VPS11: variants seen among roughly 807,000 people sequenced by gnomAD.
VPS11 encodes vacuolar protein sorting-associated protein 11 homolog.
A neutral mutation model predicts 106.8 loss-of-function variants in VPS11; 51 were observed. The observed-to-expected ratio is 0.48, with a 90% CI of 0.38 to 0.60. The LOEUF (loss-of-function observed/expected upper bound fraction) is 0.60, where lower values mean the gene tolerates loss of function less well. Among genes scored for constraint, VPS11 ranks in the 20% least tolerant of loss-of-function variants. VPS11 has a pLI of 0.00. For missense variants in VPS11, 950 were observed against 1,190.0 expected (o/e 0.80, Z 2.97); for synonymous variants, 453 against 458.7 (o/e 0.99, Z 0.16).
chr11:119,069,151 G>C (rs1945268590), intron 1 of VPS11, 45 bp from the exon 2 acceptor site: 1 of 1,609,710 alleles, frequency 6.2e-7, no homozygotes, highest in Non-Finnish European at 8.5e-7. Flanking sequence ...TGGTCTGAAT[G>C]TAAGTATCTC....
chr11:119,077,107 A>T (rs1945651475), intron 8 of VPS11, 24 bp downstream of exon 8: 2 of 1,600,280 alleles, frequency 1.2e-6, no homozygotes, highest in African/African-American at 1.3e-5. Context: ...TTGGTGGGGA[A>T]GTCTTGGAGG....
At chr11:119,074,026 C>A in intron 7 of VPS11, 75 bp downstream of exon 7, 1 of 1,491,860 alleles carries the variant, frequency 6.7e-7, no homozygotes, top group Non-Finnish European at 9.1e-7. Context: ...CCCATCCATG[C>A]TCCAGGTAGG....
chr11:119,072,934 T>G, intron 5 of VPS11: 1 of 485,926 alleles, frequency 2.1e-6, no homozygotes, highest in Non-Finnish European at 3.7e-6. Context: ...TATTGGATTA[T>G]TATTTTCTAA....
At position 119,076,927 on chromosome 11, in the gene VPS11, G is replaced by A; in HGVS notation, c.1269G>A (p.Val423=). 1 of 1,613,990 alleles carries A rather than the reference G, an allele frequency of 6.2e-7. No homozygotes were observed. The highest frequency in any genetic ancestry group is 1.1e-5 in the South Asian group (1 of 91,058). Residue 423 remains valine (V), a synonymous_variant, in exon 8 of 16, where the codon GTG becomes GTA. Transcript: ENST00000621676. The stretch of plus-strand genomic sequence containing the variant: ...TTGGAAAGTTGGAGCCATCCTACGT[G>A]ATCCGCAAGTTTCTGGATGCCCAGC... The part of the protein sequence containing the change: ...RTIGKLEPSY[V]IRKFLDAQRI...
Position 119,070,279 on chromosome 11 carries a change from G to A in VPS11, c.518G>A (p.Arg173Gln), listed in dbSNP as rs1945325775. Reference protein sequence around the residue: ...SVTLNKGDITRDRHSKTQILH... With the variant: ...SVTLNKGDITQDRHSKTQILH... The stretch of plus-strand genomic sequence containing the variant: ...ACATTGAACAAAGGAGACATCACCC[G>A]GGACCGGCATAGCAAGACCCAGATT... Residue 173 changes from arginine to glutamine, a missense_variant, in exon 4 of 16, where the codon CGG becomes CAG. Arg to Gln is a conservative substitution (Grantham distance 43). Around this residue, in one of 3 missense-constraint regions of VPS11, gnomAD observed 435 missense variants for 630.2 expected, o/e 0.69. Transcript: ENST00000621676. 6 of 1,612,736 alleles carry A rather than the reference G, an allele frequency of 3.7e-6. No homozygotes were observed. The highest frequency in any genetic ancestry group is 1.3e-5 in the African/African-American group (1 of 74,880).
chr11:119,070,141 T>C lies in VPS11; in HGVS notation c.473-93T>C, dbSNP rs1281522713. On this transcript the variant is annotated intron_variant, in intron 3 of 15. Coordinates refer to ENST00000621676, the MANE Select transcript of VPS11 (RefSeq NM_021729.6). The stretch of plus-strand genomic sequence containing the variant: ...AGAGGTTGGGTATATGGAGAAAGCT[T>C]GTCACTTCTGAGTGCCTCAAGTGGT... 2.3e-6 allele frequency: 3 copies of C among 1,311,230 alleles called. No individual in the cohort carries two copies. The East Asian group carries it at 7.6e-5, about 33-fold the overall frequency. The allele number at this position is 1,311,230 out of a possible 1,614,324, so 81.2% of individuals were successfully genotyped here. A position where few individuals can be genotyped will look rare whatever the true frequency, so the allele number is the denominator to read the frequency against.
At chr11:119,071,500 G>A in intron 4 of VPS11, 96 bp from the exon 5 acceptor site, 1 of 1,483,780 alleles carries the variant, frequency 6.7e-7, no homozygotes, top group South Asian at 1.3e-5. Flanking sequence ...ATGCCAAGAG[G>A]GAAAAAAGAG....
In VPS11 at chr11:119,074,210, G is replaced by A. The variant is rs144706017; in HGVS notation, c.1238+259G>A. Among the ~76,000 whole-genome samples, 529 of 151,878 alleles carry A rather than the reference G, an allele frequency of 3.5e-3. 2 individuals are homozygous for A. Among genetic ancestry groups the A allele is most frequent in the African/African-American group, 0.012 (500 of 41,368 alleles). On this transcript the variant is annotated intron_variant, in intron 7 of 15. Transcript: ENST00000621676. ...CATGATTCTCCTGCTTCAGTCTCCC[G>A]AGTAGCTGGGATTACAGGCGCGTGC... is the stretch of plus-strand genomic sequence containing the variant.
At chr11:119,075,174 G>A (rs1350511131) in intron 7 of VPS11, among the ~76,000 whole-genome samples, 2 of 152,038 alleles carry the variant, frequency 1.3e-5, no homozygotes, top group African/African-American at 2.4e-5. Context: ...GGCTGAGGCA[G>A]GAGAATGGCC....
intron 14 of VPS11, among the ~76,000 whole-genome samples, chr11:119,079,917 A>G (rs1403559621): frequency 6.6e-6 from 1 of 152,166 alleles, no homozygotes; most frequent in Non-Finnish European, 1.5e-5. Context: ...TAAAATATTT[A>G]TTAGAGAACA....
chr11:119,076,317 G>A (rs1481794465), intron 7 of VPS11, among the ~76,000 whole-genome samples: 2 of 151,902 alleles, frequency 1.3e-5, no homozygotes, highest in Non-Finnish European at 2.9e-5. Flanking sequence ...ACCTGAGGTC[G>A]GGAGTTCGAA....
Position 119,073,398 on chromosome 11 carries a change from A to G in VPS11, c.1085A>G (p.Glu362Gly). The change falls in exon 6 of 16, where the codon GAG becomes GGG. Residue 362 changes from glutamate to glycine, a missense_variant and splice_region_variant. Physicochemically the swap from Glu to Gly is moderately conservative, Grantham distance 98. This residue lies in a region of VPS11 where 435 missense variants were observed against 630.2 expected (regional missense o/e 0.69). Transcript: ENST00000621676. Reference sequence around the variant, plus strand: ...GAGAAGGACACACAGACCAAACTGGAGGCAAGGCCACCAGGCTCGCAGAGC... The same window carrying G: ...GAGAAGGACACACAGACCAAACTGGGGGCAAGGCCACCAGGCTCGCAGAGC... ...LQEKDTQTKLEMLFKKNLFEM... is the reference protein window; with the variant it reads ...LQEKDTQTKLGMLFKKNLFEM... The G allele has an allele frequency of 1.2e-6, 2 of 1,612,368 alleles. No individual in the cohort carries two copies. The highest frequency in any genetic ancestry group is 1.7e-6 in the Non-Finnish European group (2 of 1,179,724).
At chr11:119,073,674 G>T in intron 6 of VPS11, 126 bp from the exon 7 acceptor site, 1 of 1,079,282 alleles carries the variant, frequency 9.3e-7, no homozygotes, top group South Asian at 1.6e-5. Flanking sequence ...GGTAGCTCTT[G>T]GTTTGTCTAG....
chr11:119,081,250 A>G lies in VPS11; in HGVS notation c.2597A>G (p.Lys866Arg). 6.2e-7 allele frequency: 1 copy of G among 1,613,974 alleles called. No individual in the cohort carries two copies. Among genetic ancestry groups the G allele is most frequent in the South Asian group, 1.1e-5 (1 of 91,080 alleles). Residue 866 changes from lysine to arginine, a missense_variant, in exon 15 of 16, where the codon AAG becomes AGG. By Grantham distance (26) the Lys-to-Arg change is conservative. Around this residue, in one of 3 missense-constraint regions of VPS11, gnomAD observed 453 missense variants for 514.6 expected, o/e 0.88. Transcript: ENST00000621676. ...DCPTCLPENR[K>R]VMDMIRAQEQ... ...CCCACCTGCCTCCCTGAAAACCGGAAGGTCATGGATATGATCCGGGCCCAG... is the reference window on the plus strand; with the variant it reads ...CCCACCTGCCTCCCTGAAAACCGGAGGGTCATGGATATGATCCGGGCCCAG...
Position 119,078,290 on chromosome 11 carries a change from C to T in VPS11, c.1879C>T (p.Leu627Phe), listed in dbSNP as rs764773254. 6.2e-7 allele frequency: 1 copy of T among 1,613,140 alleles called. No individual in the cohort carries two copies. Among genetic ancestry groups the T allele is most frequent in the Non-Finnish European group, 8.5e-7 (1 of 1,179,872 alleles). Residue 627 changes from leucine to phenylalanine, a missense_variant, in exon 11 of 16, where the codon CTT (leucine) becomes TTT (phenylalanine). Leu to Phe is a conservative substitution (Grantham distance 22). Around this residue, in one of 3 missense-constraint regions of VPS11, gnomAD observed 453 missense variants for 514.6 expected, o/e 0.88. Coordinates refer to ENST00000621676, the MANE Select transcript of VPS11 (RefSeq NM_021729.6). Reference protein sequence around the residue: ...DSPQGIYDTLLELRLQNWAHE... With the variant: ...DSPQGIYDTLFELRLQNWAHE... ...ACCCCAGGGGATCTACGACACACTC[C>T]TTGAGCTGCGACTGCAGAACTGGGC... is the stretch of plus-strand genomic sequence containing the variant.
At chr11:119,068,562 A>G (rs1211339285) in intron 1 of VPS11, among the ~76,000 whole-genome samples, 1 of 142,952 alleles carries the variant, frequency 7.0e-6, no homozygotes, top group Non-Finnish European at 1.5e-5. Context: ...TTCTCCTGCC[A>G]CAGCCTCCCG....
rs903872827 is a variant in VPS11, at chr11:119,077,413, C to T, written c.1426-88C>T. On this transcript the variant is annotated intron_variant, in intron 8 of 15. Coordinates refer to ENST00000621676, the MANE Select transcript of VPS11 (RefSeq NM_021729.6). Reference sequence around the variant, plus strand: ...CAAAGTGTGAACGTTATGATATCACCTTAGGAATCTGAAAGTCAGGTGCCT... The same window carrying T: ...CAAAGTGTGAACGTTATGATATCACTTTAGGAATCTGAAAGTCAGGTGCCT... 5 of 1,503,490 alleles carry T rather than the reference C, an allele frequency of 3.3e-6. No homozygotes were observed. In the African/African-American group the frequency reaches 4.2e-5, roughly 13 times the overall value. The allele number at this position is 1,503,490 out of a possible 1,614,324, so 93.1% of individuals were successfully genotyped here. A position where few individuals can be genotyped will look rare whatever the true frequency, so the allele number is the denominator to read the frequency against.
chr11:119,069,329 G>A lies in VPS11; in HGVS notation c.321G>A (p.Glu107=), dbSNP rs628503. The A allele has an allele frequency of 1.2e-6, 2 of 1,614,014 alleles. No homozygotes were observed. The highest frequency in any genetic ancestry group is 1.7e-6 in the Non-Finnish European group (2 of 1,179,898). ...NILASVGEDE[E]GINPLVKIWN... is the part of the protein sequence containing the mutation. Reference sequence around the variant, plus strand: ...TGGCATCTGTTGGAGAAGATGAAGAGGGCATCAACCCCTTGGTGAGTCCCA... The same window carrying A: ...TGGCATCTGTTGGAGAAGATGAAGAAGGCATCAACCCCTTGGTGAGTCCCA... The change falls in exon 2 of 16, where the codon GAG becomes GAA. Residue 107 remains glutamate (E), a synonymous_variant. Coordinates refer to ENST00000621676, the MANE Select transcript of VPS11 (RefSeq NM_021729.6).
intron 5 of VPS11, chr11:119,072,111 A>G (rs1432786093): frequency 4.5e-5 from 16 of 353,194 alleles, no homozygotes; most frequent in Non-Finnish European, 3.2e-5. Flanking sequence ...GATTACAGGC[A>G]TGTGCCACCA....
Sources: gnomAD v4.1 joint callset for allele counts (sites outside exome capture counted in the v4.1 genomes callset) on GRCh38, gnomAD v4.1.1 for gene constraint, gnomAD v4.1.1 regional missense constraint, MANE v1.5 for transcripts, NCBI Gene and HGNC (gene_info 2026-07-23, HGNC 2026-07-21) for gene names.